Variants in COL27A1 observed in about 807,000 individuals in gnomAD.
The protein encoded by COL27A1 is collagen alpha-1(XXVII) chain.
COL27A1 carries 106 observed loss-of-function variants against 251.3 expected under a neutral mutation model. The observed-to-expected ratio is 0.42, with a 90% CI of 0.36 to 0.50. The LOEUF is 0.50. COL27A1 is among the 20% of genes least tolerant of loss of function. The pLI is 0.00. For synonymous variants in COL27A1, 1,000 were observed against 986.3 expected, an observed-to-expected ratio of 1.01 and a Z score of -0.26; for missense variants, 2,325 against 2,522.8, an observed-to-expected ratio of 0.92 and a Z score of 1.68.
Position 114,156,007 on chromosome 9 carries a change from C to CG in COL27A1, c.62+1dup. 3.1e-6 allele frequency: 4 copies of CG among 1,297,118 alleles called. No individual in the cohort carries two copies. The highest frequency in any genetic ancestry group is 3.9e-6 in the Non-Finnish European group (4 of 1,019,626). The allele number at this position is 1,297,118 out of a possible 1,614,324, so 80.4% of individuals were successfully genotyped here. A position where few individuals can be genotyped will look rare whatever the true frequency, so the allele number is the denominator to read the frequency against. On this transcript the variant is annotated frameshift_variant, in exon 1 of 61. Coordinates refer to ENST00000356083, the MANE Select transcript of COL27A1 (RefSeq NM_032888.4). LOFTEE classifies it high-confidence loss of function. ...GCACAGCGGCGGCGGCGGCGGCGCG[C>CG]GGGGGGTGAGTACGAACTCGGGGAC...
chr9:114,205,604 A>G (rs961043261), intron 8 of COL27A1, among the ~76,000 whole-genome samples, 155 bp from the exon 9 acceptor site: 1 of 152,132 alleles, frequency 6.6e-6, no homozygotes, highest in Non-Finnish European at 1.5e-5. Flanking sequence ...GGTTTCACAG[A>G]GGGGTGGGCT....
chr9:114,210,404 G>A (rs561182437), intron 11 of COL27A1, among the ~76,000 whole-genome samples: 1 of 152,328 alleles, frequency 6.6e-6, no homozygotes, highest in Middle Eastern at 3.4e-3. Context: ...GTTGGTTGGG[G>A]GTGGGGACAG....
At position 114,168,729 on chromosome 9, in the gene COL27A1, G is replaced by T; in HGVS notation, c.1174G>T (p.Ala392Ser). ...AAGCCCCCATCCTACCCAGAAAACA[G>T]CTCCATCTTCATTTACAAAGTCAGC... ...IKSPHPTQKTAPSSFTKSALP... is the reference protein window; with the variant it reads ...IKSPHPTQKTSPSSFTKSALP... Residue 392 changes from alanine to serine, a missense_variant, in exon 3 of 61, where the codon GCT (alanine) becomes TCT (serine). Transcript: ENST00000356083. 1 of 1,613,988 alleles carries T rather than the reference G, an allele frequency of 6.2e-7. No homozygotes were observed. The highest frequency in any genetic ancestry group is 8.5e-7 in the Non-Finnish European group (1 of 1,180,034).
intron 37 of COL27A1, among the ~76,000 whole-genome samples, chr9:114,277,478 G>GT (rs1835582190): frequency 6.6e-6 from 1 of 152,176 alleles, no homozygotes; most frequent in South Asian, 2.1e-4. Context: ...CCCCCCTGAA[G>GT]TGTTTACATG....
chr9:114,284,869 C>A, intron 41 of COL27A1, 92 bp downstream of exon 41: 1 of 1,426,300 alleles, frequency 7.0e-7, no homozygotes, highest in South Asian at 1.2e-5. Flanking sequence ...CTGGGGTACC[C>A]ATGGCTGGAG....
chr9:114,243,646 G>A, intron 23 of COL27A1, 86 bp downstream of exon 23: 1 of 1,159,494 alleles, frequency 8.6e-7, no homozygotes, highest in Non-Finnish European at 1.2e-6. Flanking sequence ...AAATCCCATG[G>A]CCAGTTGTGA....
chr9:114,305,610 C>A (rs1192007678), intron 57 of COL27A1, among the ~76,000 whole-genome samples: 1 of 152,332 alleles, frequency 6.6e-6, no homozygotes, highest in South Asian at 2.1e-4. Flanking sequence ...CTGCCAGGGG[C>A]TCTGCCCTCT....
intron 14 of COL27A1, among the ~76,000 whole-genome samples, chr9:114,230,029 A>G (rs968790738): frequency 1.3e-5 from 2 of 152,246 alleles, no homozygotes; most frequent in African/African-American, 4.8e-5. Flanking sequence ...ATGTGAAATC[A>G]GTTTCTCCTG....
chr9:114,180,045 A>G (rs2808782), intron 4 of COL27A1, among the ~76,000 whole-genome samples: 152,114 of 152,128 alleles, frequency 1, 76,050 homozygotes, highest in Middle Eastern at 1. Flanking sequence ...TCACCATGTT[A>G]GCCAGGCTGG....
chr9:114,190,974 A>G (rs536890969), intron 5 of COL27A1, among the ~76,000 whole-genome samples: 87 of 152,346 alleles, frequency 5.7e-4, no homozygotes, highest in Admixed American at 3.9e-3. Flanking sequence ...GGGAAGACAT[A>G]TAGTGTGCTC....
chr9:114,302,248 T>C, intron 56 of COL27A1, 140 bp downstream of exon 56: 1 of 705,908 alleles, frequency 1.4e-6, no homozygotes, highest in Non-Finnish European at 2.5e-6. Flanking sequence ...TGTCACTTCA[T>C]ACTGGAGACT....
chr9:114,292,261 AC>A (rs751327595), intron 49 of COL27A1, 51 bp downstream of exon 49: 1 of 1,351,686 alleles, frequency 7.4e-7, no homozygotes, highest in Non-Finnish European at 1.0e-6. Flanking sequence ...ACATGCACAC[AC>A]TCACATACAC....
intron 14 of COL27A1, 115 bp from the exon 15 acceptor site, chr9:114,230,964 A>G: frequency 2.7e-6 from 2 of 736,990 alleles, no homozygotes; most frequent in Non-Finnish European, 4.6e-6. Context: ...TCAATCCTAC[A>G]GAGTTGCGTC....
chr9:114,263,468 C>A (rs1166257486), intron 28 of COL27A1, among the ~76,000 whole-genome samples: 1 of 152,012 alleles, frequency 6.6e-6, no homozygotes, highest in Non-Finnish European at 1.5e-5. Context: ...ACACAGCCTG[C>A]TCTGTTTTCC....
intron 14 of COL27A1, among the ~76,000 whole-genome samples, chr9:114,228,366 T>C (rs1447120465): frequency 6.6e-6 from 1 of 152,192 alleles, no homozygotes; most frequent in African/African-American, 2.4e-5. Flanking sequence ...CGCCTCTGTT[T>C]ATTTGTGCAT....
At chr9:114,265,398 G>T in intron 31 of COL27A1, 24 bp from the exon 32 acceptor site, 1 of 1,612,260 alleles carries the variant, frequency 6.2e-7, no homozygotes. Flanking sequence ...AGGGCCTAAG[G>T]TCACCTTTAC....
At chr9:114,264,431 CT>C in intron 29 of COL27A1, 23 bp downstream of exon 29, 1 of 1,528,090 alleles carries the variant, frequency 6.5e-7, no homozygotes. Context: ...AGGACCTGCC[CT>C]TCCTCACTCC....
At chr9:114,230,863 T>A (rs984366897) in intron 14 of COL27A1, among the ~76,000 whole-genome samples, 1 of 152,102 alleles carries the variant, frequency 6.6e-6, no homozygotes, top group African/African-American at 2.4e-5. Flanking sequence ...GGGGCAGCAG[T>A]CTAGAAATGA....
In COL27A1 at chr9:114,264,271, G is replaced by A. The variant is rs1275576876; in HGVS notation, c.3196-84G>A. The stretch of plus-strand genomic sequence containing the variant: ...GAGCTTGTGCAGGGGAAGGCCCCAG[G>A]CTTGGAGCAGCCCCGCCCTCCTGGT... On this transcript the variant is annotated intron_variant, in intron 28 of 60. Transcript: ENST00000356083. The A allele has an allele frequency of 4.5e-6, 5 of 1,119,680 alleles. No homozygotes were observed. In the African/African-American group the frequency reaches 6.4e-5, roughly 14 times the overall value. 69.4% of individuals were successfully genotyped at this position (1,119,680 alleles called of 1,614,324 possible). A position where few individuals can be genotyped will look rare whatever the true frequency, so the allele number is the denominator to read the frequency against.
Sources: allele counts gnomAD v4.1 joint callset (sites outside exome capture counted in the v4.1 genomes callset), GRCh38; gene constraint gnomAD v4.1.1; transcripts MANE v1.5; gene names NCBI Gene and HGNC (gene_info 2026-07-23, HGNC 2026-07-21).